The following PTPRD variants were observed in gnomAD, a reference collection of about 807,000 sequenced individuals.
PTPRD encodes receptor-type tyrosine-protein phosphatase delta.
PTPRD carries 34 observed loss-of-function variants against 214.5 expected under a neutral mutation model. That is an observed-to-expected ratio of 0.16 (90% CI 0.12 to 0.21). The LOEUF is 0.21. Ranked by LOEUF, PTPRD falls within the 10% of genes least tolerant of loss-of-function variation. PTPRD has a pLI of 1.00. For missense variants in PTPRD, 2,545 were observed against 2,398.7 expected (o/e 1.06, Z -1.27); for synonymous variants, 1,128 against 845.7 (o/e 1.33, Z -5.79).
intron 3 of PTPRD, among the ~76,000 whole-genome samples, chr9:10,213,317 G>A (rs1324577588): frequency 6.6e-6 from 1 of 152,074 alleles, no homozygotes; most frequent in African/African-American, 2.4e-5. Flanking sequence ...AATAAGGATT[G>A]TTGTGGCCCA....
intron 9 of PTPRD, among the ~76,000 whole-genome samples, chr9:9,254,948 C>T (rs551331065): frequency 3.9e-5 from 6 of 151,966 alleles, no homozygotes; most frequent in Non-Finnish European, 8.8e-5. Context: ...CTAAAATATC[C>T]ATTATTCAAA....
chr9:9,512,503 G>A (rs1318396677), intron 8 of PTPRD, among the ~76,000 whole-genome samples: 3 of 151,774 alleles, frequency 2.0e-5, no homozygotes, highest in Non-Finnish European at 4.4e-5. Context: ...AGCTTACAGA[G>A]AATATGTAAG....
At position 9,463,167 on chromosome 9, in the gene PTPRD, C is replaced by T. The variant is rs565790667; in HGVS notation, c.-236-65685G>A. Among the ~76,000 whole-genome samples, 8 of 152,240 alleles carry T rather than the reference C, an allele frequency of 5.3e-5. No individual in the cohort carries two copies. In the South Asian group the frequency reaches 6.2e-4, roughly 12 times the overall value. On this transcript the variant is annotated intron_variant, in intron 8 of 45. Coordinates refer to ENST00000381196, the MANE Select transcript of PTPRD (RefSeq NM_002839.4). ...ATTCAACTTTCTACCTTGGCTCTCC[C>T]AGTTGTGAGGTCATTTGGATGAAGG...
chr9:8,655,851 C>T (rs1435886618), intron 12 of PTPRD, among the ~76,000 whole-genome samples: 1 of 151,880 alleles, frequency 6.6e-6, no homozygotes, highest in South Asian at 2.1e-4. Flanking sequence ...TCACCCAAAC[C>T]ATTAAATAGA....
In PTPRD at chr9:9,248,040, G is replaced by C. The variant is rs372780504; in HGVS notation, c.-202-64677C>G. ...CAGTACACTGTAGGTATTGAGTAAC[G>C]TGTTAAGTCATTGAGTAAACGGAGG... is the stretch of plus-strand genomic sequence containing the variant. On this transcript the variant is annotated intron_variant, in intron 9 of 45. Transcript: ENST00000381196. Among the ~76,000 whole-genome samples the C allele has an allele frequency of 2.2e-4, 33 of 152,002 alleles. No individual in the cohort carries two copies. The East Asian group carries it at 2.5e-3, about 12-fold the overall frequency.
At chr9:9,365,838 T>C (rs1284493471) in intron 9 of PTPRD, among the ~76,000 whole-genome samples, 1 of 151,478 alleles carries the variant, frequency 6.6e-6, no homozygotes, top group Non-Finnish European at 1.5e-5. Flanking sequence ...TTAGAATATC[T>C]AAACTCTAGT....
At chr9:8,665,980 A>G (rs1184669097) in intron 12 of PTPRD, among the ~76,000 whole-genome samples, 2 of 152,122 alleles carry the variant, frequency 1.3e-5, no homozygotes, top group South Asian at 2.1e-4. Flanking sequence ...TGTGTTAACT[A>G]AAGAACTGAA....
intron 10 of PTPRD, among the ~76,000 whole-genome samples, chr9:9,068,616 T>A (rs1048345766): frequency 5.3e-5 from 8 of 151,120 alleles, no homozygotes; most frequent in Non-Finnish European, 1.2e-4. Context: ...TTACAAAAAA[T>A]TTTCTTTTTT....
intron 27 of PTPRD, among the ~76,000 whole-genome samples, chr9:8,492,303 T>C (rs992262468): frequency 6.6e-6 from 1 of 152,108 alleles, no homozygotes; most frequent in Non-Finnish European, 1.5e-5. Context: ...GTTGCTTGAC[T>C]TCCCTGCCCA....
chr9:9,784,388 C>G (rs527749502), intron 5 of PTPRD, among the ~76,000 whole-genome samples: 236 of 152,050 alleles, frequency 1.6e-3, no homozygotes, highest in African/African-American at 5.4e-3. Flanking sequence ...GGCTTATTTA[C>G]AATAAATAAG....
intron 4 of PTPRD, among the ~76,000 whole-genome samples, chr9:9,945,664 G>C (rs1024496741): frequency 3.9e-5 from 6 of 152,114 alleles, no homozygotes; most frequent in Non-Finnish European, 8.8e-5. Flanking sequence ...GAGGATGCTG[G>C]ATTGTAATCA....
At chr9:9,825,898 TTTTC>T (rs1307617900) in intron 5 of PTPRD, among the ~76,000 whole-genome samples, 8 of 151,794 alleles carry the variant, frequency 5.3e-5, no homozygotes, top group Non-Finnish European at 1.0e-4. Flanking sequence ...ATTTATTCTT[TTTTC>T]TTTAAGATCT....
chr9:9,686,624 G>T (rs2821457), intron 7 of PTPRD, among the ~76,000 whole-genome samples: 36,759 of 151,368 alleles, frequency 0.24, 5,666 homozygotes, highest in Non-Finnish European at 0.34. Flanking sequence ...ATTTTATCTA[G>T]AAATTGGTGT....
intron 7 of PTPRD, among the ~76,000 whole-genome samples, chr9:9,577,961 G>C (rs926071836): frequency 1.5e-5 from 2 of 137,196 alleles, no homozygotes; most frequent in Non-Finnish European, 3.0e-5. Flanking sequence ...CCAGAGAATA[G>C]CTTGAACCCA....
At chr9:9,886,312 T>A (rs1030793312) in intron 5 of PTPRD, among the ~76,000 whole-genome samples, 1 of 152,128 alleles carries the variant, frequency 6.6e-6, no homozygotes, top group Non-Finnish European at 1.5e-5. Flanking sequence ...TTATCTCATA[T>A]TTCTTTAATT....
intron 2 of PTPRD, among the ~76,000 whole-genome samples, chr9:10,362,986 T>C (rs1042383229): frequency 6.6e-6 from 1 of 152,198 alleles, no homozygotes; most frequent in Non-Finnish European, 1.5e-5. Flanking sequence ...ATAAATATTT[T>C]TGGAATAGAA....
intron 2 of PTPRD, among the ~76,000 whole-genome samples, chr9:10,511,736 A>G (rs2133808531): frequency 6.6e-6 from 1 of 151,018 alleles, no homozygotes; most frequent in East Asian, 2.0e-4. Flanking sequence ...AAAACTTTTT[A>G]GACATTCTAT....
intron 12 of PTPRD, among the ~76,000 whole-genome samples, chr9:8,730,833 C>T (rs146595648): frequency 6.6e-6 from 1 of 152,302 alleles, no homozygotes; most frequent in East Asian, 1.9e-4. Context: ...GAAGAGCTTA[C>T]TCATGCTGCT....
In PTPRD at chr9:8,376,650, A is replaced by G; in HGVS notation, c.4463T>C (p.Val1488Ala). ...TCGAACACAATATGTGGCCAGCTCC[A>G]CAGTATCAAGCAGCGTTACTTGAAC... ...GLVQVTLLDT[V>A]ELATYCVRTF... is the part of the protein sequence containing the mutation. Residue 1488 changes from valine (V) to alanine (A), a missense_variant, in exon 38 of 46, where the codon GTG becomes GCG. Transcript: ENST00000381196. 1 of 1,613,124 alleles carries G rather than the reference A, an allele frequency of 6.2e-7. No homozygotes were observed.
Sources: gnomAD v4.1 joint callset for allele counts (sites outside exome capture counted in the v4.1 genomes callset) on GRCh38, gnomAD v4.1.1 for gene constraint, MANE v1.5 for transcripts, NCBI Gene and HGNC (gene_info 2026-07-23, HGNC 2026-07-21) for gene names.